ELOVL6: variants seen among roughly 807,000 people sequenced by gnomAD.
ELOVL6 encodes ELOVL fatty acid elongase 6.
ELOVL6 carries 8 observed loss-of-function variants against 31.7 expected under a neutral mutation model. That is an observed-to-expected ratio of 0.25 (90% CI 0.15 to 0.45). ELOVL6 has a LOEUF of 0.45. Among genes scored for constraint, ELOVL6 ranks in the 20% least tolerant of loss-of-function variants. ELOVL6 has a pLI of 1.00. For synonymous variants in ELOVL6, 101 were observed against 117.7 expected (o/e 0.86, Z 0.92); for missense variants, 126 against 326.4 (o/e 0.39, Z 4.73).
At chr4:110,138,436 C>T (rs1757866437) in intron 1 of ELOVL6, among the ~76,000 whole-genome samples, 2 of 152,094 alleles carry the variant, frequency 1.3e-5, no homozygotes, top group Admixed American at 1.3e-4. Flanking sequence ...CAGAGAGATA[C>T]ACACTAATCA....
chr4:110,169,051 T>C (rs1758862831), intron 1 of ELOVL6, among the ~76,000 whole-genome samples: 1 of 152,082 alleles, frequency 6.6e-6, no homozygotes, highest in South Asian at 2.1e-4. Context: ...AGCCTAGACC[T>C]CTTGGGCTCA....
Position 110,142,042 on chromosome 4 carries a change from C to G in ELOVL6, c.90-36414G>C, listed in dbSNP as rs1047614271. Among the ~76,000 whole-genome samples the G allele has an allele frequency of 2.0e-5, 3 of 148,544 alleles. No homozygotes were observed. The Admixed American group carries it at 2.0e-4, about 10-fold the overall frequency. On this transcript the variant is annotated intron_variant, in intron 1 of 3. Transcript: ENST00000302274. ...ATCTTTGCAGTCCAAGGAACTTCAT[C>G]CTTGATATCCCACCCCTTACTAACT...
rs1207283330 is a variant in ELOVL6 at position 110,079,388 on chromosome 4, G to A, written c.222-19634C>T. ...AAAAGAACAGAAATTATAACAAACT[G>A]TCTCTCAGACCACGGTGCAATCAAA... On this transcript the variant is annotated intron_variant, in intron 2 of 3. Transcript: ENST00000302274. 2.0e-5 allele frequency among the ~76,000 whole-genome samples: 3 copies of A among 152,226 alleles called. No homozygotes were observed. The East Asian group carries it at 5.8e-4, about 29-fold the overall frequency.
intron 2 of ELOVL6, among the ~76,000 whole-genome samples, chr4:110,079,509 G>T (rs1755765053): frequency 6.6e-6 from 1 of 151,986 alleles, no homozygotes; most frequent in Non-Finnish European, 1.5e-5. Flanking sequence ...ATAACGAAAT[G>T]AAAGCAGAAA....
At chr4:110,147,879 C>T (rs190781016) in intron 1 of ELOVL6, among the ~76,000 whole-genome samples, 1,622 of 152,004 alleles carry the variant, frequency 0.011, 28 homozygotes, top group African/African-American at 0.037. Context: ...CTTTGGCAGG[C>T]CGAGGTGGGT....
intron 3 of ELOVL6, among the ~76,000 whole-genome samples, chr4:110,053,557 C>T (rs1469180185): frequency 6.6e-6 from 1 of 152,220 alleles, no homozygotes; most frequent in Non-Finnish European, 1.5e-5. Context: ...GTCATCCCAG[C>T]ACTTTGGGAG....
chr4:110,087,780 C>G (rs1278255160), intron 2 of ELOVL6, among the ~76,000 whole-genome samples: 1 of 149,720 alleles, frequency 6.7e-6, no homozygotes, highest in Non-Finnish European at 1.5e-5. Flanking sequence ...TTTTAAATAG[C>G]TCCTGTTACC....
At chr4:110,104,863 C>A (rs896415178) in intron 2 of ELOVL6, among the ~76,000 whole-genome samples, 1 of 152,170 alleles carries the variant, frequency 6.6e-6, no homozygotes, top group African/African-American at 2.4e-5. Flanking sequence ...AATGAGTCTG[C>A]ACACCAGCTG....
chr4:110,104,297 G>A (rs563763810), intron 2 of ELOVL6, among the ~76,000 whole-genome samples: 1 of 152,280 alleles, frequency 6.6e-6, no homozygotes, highest in Non-Finnish European at 1.5e-5. Flanking sequence ...TTATATTATA[G>A]AGAATCATGA....
chr4:110,051,351 G>A lies in ELOVL6; in HGVS notation c.785C>T (p.Thr262Met), dbSNP rs764659085. 20 of 1,613,894 alleles carry A rather than the reference G, an allele frequency of 1.2e-5. No homozygotes were observed. Among genetic ancestry groups the A allele is most frequent in the East Asian group, 1.1e-4 (5 of 44,890 alleles). Residue 262 changes from threonine to methionine, a missense_variant, in exon 4 of 4, where the codon ACG (threonine) becomes ATG (methionine). By Grantham distance (81) the Thr-to-Met change is moderately conservative (BLOSUM62 -1). Around this residue, in one of 3 missense-constraint regions of ELOVL6, gnomAD observed 57 missense variants for 110.2 expected, o/e 0.52. Coordinates refer to ENST00000302274, the MANE Select transcript of ELOVL6 (RefSeq NM_024090.3). The surrounding 1 kb of genome is among the most constrained non-coding windows in gnomAD (Gnocchi z 4.8). ...EAYIGKMRKTTKAE is the reference protein window; with the variant it reads ...EAYIGKMRKTMKAE ...TCAGTTCCAACACTATTCAGCTTTC[G>A]TTGTTTTCCTCATTTTGCCGATGTA...
At chr4:110,084,620 A>G (rs1469994301) in intron 2 of ELOVL6, among the ~76,000 whole-genome samples, 13 of 89,646 alleles carry the variant, frequency 1.5e-4, no homozygotes, top group Admixed American at 3.3e-4. Context: ...TTTGAGATGG[A>G]GTCTTGCTCT....
intron 2 of ELOVL6, among the ~76,000 whole-genome samples, chr4:110,095,366 C>T (rs1427307931): frequency 6.6e-6 from 1 of 151,928 alleles, no homozygotes; most frequent in Non-Finnish European, 1.5e-5. Flanking sequence ...CCTGTAATCC[C>T]AGCTATTTGG....
At chr4:110,076,553 A>G (rs1324798306) in intron 2 of ELOVL6, among the ~76,000 whole-genome samples, 1 of 152,224 alleles carries the variant, frequency 6.6e-6, no homozygotes, top group Admixed American at 6.5e-5. Context: ...AAATAAAAAT[A>G]TATACCCTCT....
At chr4:110,143,152 A>G (rs1399189434) in intron 1 of ELOVL6, among the ~76,000 whole-genome samples, 1 of 152,246 alleles carries the variant, frequency 6.6e-6, no homozygotes, top group East Asian at 1.9e-4. Flanking sequence ...ACACATCATT[A>G]AAAAGCAAAA....
intron 1 of ELOVL6, among the ~76,000 whole-genome samples, chr4:110,159,401 A>T (rs866706488): frequency 6.6e-6 from 1 of 152,188 alleles, no homozygotes; most frequent in African/African-American, 2.4e-5. Flanking sequence ...GTAGAAAAAG[A>T]AGTTATCTTT....
intron 1 of ELOVL6, among the ~76,000 whole-genome samples, chr4:110,106,837 A>G (rs1756904694): frequency 1.3e-5 from 2 of 152,196 alleles, no homozygotes; most frequent in Admixed American, 1.3e-4. Context: ...TGCCTCTGAC[A>G]ACAGTACTGA....
intron 2 of ELOVL6, among the ~76,000 whole-genome samples, chr4:110,079,866 A>G (rs955959976): frequency 2.0e-5 from 3 of 152,188 alleles, no homozygotes; most frequent in Non-Finnish European, 2.9e-5. Context: ...AGAAGAAAAG[A>G]GAGAAGAATC....
At chr4:110,197,709 C>T (rs1560869038) in intron 1 of ELOVL6, among the ~76,000 whole-genome samples, 1 of 151,736 alleles carries the variant, frequency 6.6e-6, no homozygotes, top group Non-Finnish European at 1.5e-5. Context: ...CAGAGGAGGA[C>T]GGTGAAGTAG....
At chr4:110,151,329 A>T (rs1014493023) in intron 1 of ELOVL6, among the ~76,000 whole-genome samples, 18 of 152,056 alleles carry the variant, frequency 1.2e-4, no homozygotes, top group African/African-American at 4.1e-4. Flanking sequence ...TTATAAACAT[A>T]GCCTAAAGGT....
Sources: gnomAD v4.1 joint callset for allele counts (sites outside exome capture counted in the v4.1 genomes callset) on GRCh38, gnomAD v4.1.1 for gene constraint, gnomAD v4.1.1 regional missense constraint, Gnocchi (gnomAD v3.1) non-coding constraint, MANE v1.5 for transcripts, NCBI Gene and HGNC (gene_info 2026-07-23, HGNC 2026-07-21) for gene names.